TTN: variants seen among roughly 807,000 people sequenced by gnomAD.
TTN encodes titin, also known as connectin.
In TTN, 1,525 loss-of-function variants were observed where a neutral mutation model predicts 3,223.0. The ratio of observed to expected loss-of-function variants is 0.47; its 90% CI spans 0.45 to 0.49. TTN has a LOEUF of 0.49. TTN is among the 20% of genes least tolerant of loss of function. The pLI is 0.00. For synonymous variants in TTN, 14,094 were observed against 15,161.0 expected (o/e 0.93, Z 5.17); for missense variants, 40,786 against 43,424.0 (o/e 0.94, Z 5.40).
In TTN at chr2:178,575,018, G is replaced by A. The variant is rs765591920; in HGVS notation, c.71114C>T (p.Pro23705Leu). The A allele has an allele frequency of 1.9e-6, 3 of 1,613,392 alleles. No homozygotes were observed. Among genetic ancestry groups the A allele is most frequent in the Admixed American group, 3.3e-5 (2 of 59,978 alleles). The change falls in exon 326 of 363, where the codon CCA becomes CTA. Residue 23705 changes from proline to leucine, a missense_variant. Coordinates refer to ENST00000589042, the MANE Select transcript of TTN (RefSeq NM_001267550.2). This position sits in a 1 kb window ranked among gnomAD's most constrained non-coding sequence, Gnocchi z 4.0. ...ECVRSDSGPY[P>L]LTARNIVGEV... ...TCCTACAATGTTCCTTGCTGTTAAT[G>A]GATAGGGCCCACTATCACTTCTGAC...
chr2:178,672,559 A>T, intron 153 of TTN, 76 bp downstream of exon 153: 2 of 1,600,072 alleles, frequency 1.2e-6, no homozygotes, highest in Non-Finnish European at 1.7e-6. Flanking sequence ...AACAATCAAG[A>T]CACAGAGACA....
intron 168 of TTN, 136 bp from the exon 169 acceptor site, chr2:178,664,234 G>A (rs2065442189): frequency 3.1e-5 from 29 of 930,530 alleles, no homozygotes. Flanking sequence ...ATAATAGGTG[G>A]TGTTTCAGGT....
chr2:178,674,329 C>A lies in TTN; in HGVS notation c.34693G>T (p.Val11565Leu). Residue 11565 changes from valine (V) to leucine (L), a missense_variant, in exon 151 of 363, where the codon GTG (valine) becomes TTG (leucine). By Grantham distance (32) the Val-to-Leu change is conservative (BLOSUM62 1). Transcript: ENST00000589042. ...EPPSIEEVEE[V>L]APPRVPEVIK... ...GCGGTTATACCTCTAGGTGGTGCCA[C>A]CTCTTCAACTTCCTCTATGCTAGGT... 1 of 1,590,612 alleles carries A rather than the reference C, an allele frequency of 6.3e-7. No homozygotes were observed. Among genetic ancestry groups the A allele is most frequent in the South Asian group, 1.1e-5 (1 of 87,248 alleles).
chr2:178,553,766 T>A lies in TTN; in HGVS notation c.89239A>T (p.Thr29747Ser), dbSNP rs2154152263. The change falls in exon 334 of 363, where the codon ACC becomes TCC. Residue 29747 changes from threonine to serine, a missense_variant. Coordinates refer to ENST00000589042, the MANE Select transcript of TTN (RefSeq NM_001267550.2). ...CAGCCAAGGGTGATGGATGACTTGGTTGAATCTGCGATTCTTATCTTAGCA... is the reference window on the plus strand; with the variant it reads ...CAGCCAAGGGTGATGGATGACTTGGATGAATCTGCGATTCTTATCTTAGCA... ...PPAKIRIADSTKSSITLGWSK... is the reference protein window; with the variant it reads ...PPAKIRIADSSKSSITLGWSK... 1 of 1,608,130 alleles carries A rather than the reference T, an allele frequency of 6.2e-7. No homozygotes were observed. The highest frequency in any genetic ancestry group is 8.5e-7 in the Non-Finnish European group (1 of 1,176,204).
At chr2:178,688,329 A>G in intron 126 of TTN, 105 bp from the exon 127 acceptor site, 2 of 1,026,570 alleles carry the variant, frequency 1.9e-6, no homozygotes, top group South Asian at 1.3e-5. Context: ...TCTGCTTAGG[A>G]CATAGCTTCA....
rs748125393 is a variant in TTN at position 178,734,573 on chromosome 2, G to A, written c.15251C>T (p.Ala5084Val). 1.3e-6 allele frequency: 2 copies of A among 1,585,762 alleles called. No individual in the cohort carries two copies. Among genetic ancestry groups the A allele is most frequent in the African/African-American group, 1.4e-5 (1 of 73,932 alleles). The part of the protein sequence containing the change: ...PPSFIKTLEP[A>V]DIVRGTNALL... ...AGCATTTGTTCCTCTCACTATGTCT[G>A]CAGGCTCAAGAGTTTTGATGAAAGA... Residue 5084 changes from alanine to valine, a missense_variant, in exon 52 of 363, where the codon GCA (alanine) becomes GTA (valine). Transcript: ENST00000589042.
In TTN at chr2:178,536,584, C is replaced by CA. The variant is rs397517782; in HGVS notation, c.100172-10dup. On this transcript the variant is annotated splice_polypyrimidine_tract_variant and intron_variant, in intron 356 of 362. Transcript: ENST00000589042. ...AGGAGCACCTGGCTTTTCTATTAAA[C>CA]AAAAAAAAGATTTGAGTCATGAGAT... is the stretch of plus-strand genomic sequence containing the variant. 7,257 of 1,480,024 alleles carry CA rather than the reference C, an allele frequency of 4.9e-3. 45 individuals carry two copies. Among genetic ancestry groups the CA allele is most frequent in the Middle Eastern group, 0.024 (133 of 5,524 alleles). The allele number at this position is 1,480,024 out of a possible 1,614,324, so 91.7% of individuals were successfully genotyped here.
At chr2:178,690,026 C>T (rs1013805710) in intron 121 of TTN, 130 bp from the exon 122 acceptor site, 5 of 695,894 alleles carry the variant, frequency 7.2e-6, no homozygotes, top group Non-Finnish European at 7.4e-6. Context: ...GCAAAATTAT[C>T]CAGAAAATTA....
chr2:178,637,528 A>C (rs1225386784), intron 223 of TTN, 109 bp from the exon 224 acceptor site: 1 of 560,608 alleles, frequency 1.8e-6, no homozygotes, highest in African/African-American at 2.0e-5. Flanking sequence ...TAACGCATAA[A>C]GAGAAATTGG....
chr2:178,583,585 A>G (rs2048267632), intron 312 of TTN, 22 bp downstream of exon 312: 1 of 1,560,534 alleles, frequency 6.4e-7, no homozygotes, highest in African/African-American at 1.4e-5. Context: ...ATCTTTGCCT[A>G]TAATACTCAG....
chr2:178,647,115 C>T lies in TTN; in HGVS notation c.40171G>A (p.Glu13391Lys). 7.0e-7 allele frequency: 1 copy of T among 1,431,224 alleles called. No homozygotes were observed. Among genetic ancestry groups the T allele is most frequent in the South Asian group, 1.6e-5 (1 of 64,370 alleles). 88.7% of individuals were successfully genotyped at this position (1,431,224 alleles called of 1,614,324 possible). A position where few individuals can be genotyped will look rare whatever the true frequency, so the allele number is the denominator to read the frequency against. ...CCAATGGTTATAGATGCTTTTTCTT[C>T]ATATATTATTTCCTCAGGAGTCTCT... Reference protein sequence around the residue: ...VEETPEEIIYEEKASITIGRK... With the variant: ...VEETPEEIIYKEKASITIGRK... Residue 13391 changes from glutamate (E) to lysine (K), a missense_variant, in exon 215 of 363, where the codon GAA (glutamate) becomes AAA (lysine). Coordinates refer to ENST00000589042, the MANE Select transcript of TTN (RefSeq NM_001267550.2).
chr2:178,729,180 A>G lies in TTN; in HGVS notation c.18869-11T>C, dbSNP rs1317638543. 6.4e-7 allele frequency: 1 copy of G among 1,560,632 alleles called. No homozygotes were observed. The highest frequency in any genetic ancestry group is 8.7e-7 in the Non-Finnish European group (1 of 1,155,278). ...TGAATGATGGTGGTTCTGTGATTAA[A>G]TAAGAGAGTGTGAAAAGAAGAAACA... On this transcript the variant is annotated splice_polypyrimidine_tract_variant and intron_variant, in intron 64 of 362. Transcript: ENST00000589042.
At position 178,561,142 on chromosome 2, in the gene TTN, C is replaced by T. The variant is rs746633956; in HGVS notation, c.84990G>A (p.Arg28330=). The change falls in exon 326 of 363, where the codon AGG becomes AGA. Residue 28330 remains arginine, a synonymous_variant. Coordinates refer to ENST00000589042, the MANE Select transcript of TTN (RefSeq NM_001267550.2). ...GCTCACTAACTGAGTCAGCAGCATT[C>T]CTTGCAAAAACCCGGAATTCATAAC... ...DQRYEFRVFA[R]NAADSVSEPS... is the part of the protein sequence containing the mutation. The T allele has an allele frequency of 1.4e-5, 23 of 1,613,652 alleles. No individual in the cohort carries two copies. Among genetic ancestry groups the T allele is most frequent in the African/African-American group, 4.0e-5 (3 of 74,908 alleles).
rs1338980971 is a variant in TTN at position 178,619,024 on chromosome 2, T to C, written c.46697-171A>G. The C allele has an allele frequency of 5.7e-6, 5 of 871,558 alleles. 1 individual carries two copies. The Admixed American group carries it at 1.6e-4, about 27-fold the overall frequency. 54.0% of individuals were successfully genotyped at this position (871,558 alleles called of 1,614,324 possible). ...TTAGAGTTCTCATAGCTTTTTGTTGTTGTTGTGCGTGCAAATTAGATTGGA... is the reference window on the plus strand; with the variant it reads ...TTAGAGTTCTCATAGCTTTTTGTTGCTGTTGTGCGTGCAAATTAGATTGGA... On this transcript the variant is annotated intron_variant, in intron 250 of 362. Transcript: ENST00000589042.
In TTN at chr2:178,582,535, A is replaced by C. The variant is rs373530806; in HGVS notation, c.65921T>G (p.Met21974Arg). ...KINKMYSDRAMLSWEPPLEDG... is the reference protein window; with the variant it reads ...KINKMYSDRARLSWEPPLEDG... ...TTCAAGAGGCGGTTCCCAAGAAAGC[A>C]TAGCACGATCTGAATACATTTTGTT... is the stretch of plus-strand genomic sequence containing the variant. The change falls in exon 314 of 363, where the codon ATG becomes AGG. Residue 21974 changes from methionine (M) to arginine (R), a missense_variant. Transcript: ENST00000589042. 2 of 1,612,916 alleles carry C rather than the reference A, an allele frequency of 1.2e-6. No individual in the cohort carries two copies. Among genetic ancestry groups the C allele is most frequent in the South Asian group, 2.2e-5 (2 of 91,014 alleles).
At chr2:178,706,822 T>G (rs546540672) in intron 101 of TTN, 40 bp downstream of exon 101, 2 of 1,609,392 alleles carry the variant, frequency 1.2e-6, no homozygotes, top group African/African-American at 2.7e-5. Context: ...GTAAAAGGTA[T>G]AAGATAGATG....
intron 173 of TTN, 35 bp downstream of exon 173, chr2:178,663,231 T>C (rs1302040640): frequency 2.0e-6 from 3 of 1,511,678 alleles, no homozygotes; most frequent in Non-Finnish European, 2.7e-6. Context: ...ATAACAGTTA[T>C]TTTTCTCCTA....
intron 52 of TTN, 44 bp from the exon 53 acceptor site, chr2:178,733,936 C>G: frequency 6.7e-7 from 1 of 1,502,806 alleles, no homozygotes. Flanking sequence ...AATTCCCAAA[C>G]ACTTTCAACA....
In TTN at chr2:178,739,487, T is replaced by A; in HGVS notation, c.13746A>T (p.Glu4582Asp). 1 of 1,613,806 alleles carries A rather than the reference T, an allele frequency of 6.2e-7. No homozygotes were observed. Among genetic ancestry groups the A allele is most frequent in the Non-Finnish European group, 8.5e-7 (1 of 1,179,824 alleles). ...PSEEKEESSS[E>D]SGTEEVATVK... ...CTGTAGCAACCTCCTCAGTACCACT[T>A]TCAGAGGAAGACTCCTCTTTTTCCT... The change falls in exon 48 of 363, where the codon GAA becomes GAT. Residue 4582 changes from glutamate (E) to aspartate (D), a missense_variant. By Grantham distance (45) the Glu-to-Asp change is conservative (BLOSUM62 2). Coordinates refer to ENST00000589042, the MANE Select transcript of TTN (RefSeq NM_001267550.2).
Sources: gnomAD v4.1 joint callset for allele counts on GRCh38, gnomAD v4.1.1 for gene constraint, Gnocchi (gnomAD v3.1) non-coding constraint, MANE v1.5 for transcripts, NCBI Gene and HGNC (gene_info 2026-07-23, HGNC 2026-07-21) for gene names.